The following BEND6 variants were observed in gnomAD, a reference collection of about 807,000 sequenced individuals.
BEND6 encodes the protein BEN domain containing 6.
Under a neutral mutation model 31.8 loss-of-function variants are expected in BEND6, and 24 were observed. That is an observed-to-expected ratio of 0.75 (90% confidence interval 0.55 to 1.06). The LOEUF (loss-of-function observed/expected upper bound fraction) is 1.06, where lower values mean the gene tolerates loss of function less well. Among genes scored for constraint, BEND6 ranks in the 50% least tolerant of loss-of-function variants. The pLI, the probability that BEND6 is intolerant of heterozygous loss-of-function variation, is 0.00. For missense variants in BEND6, 294 were observed against 327.4 expected (o/e 0.90, Z 0.79); for synonymous variants, 109 against 114.6 (o/e 0.95, Z 0.31).
chr6:56,973,934 G>C (rs982992728), intron 1 of BEND6, among the ~76,000 whole-genome samples: 3 of 152,082 alleles, frequency 2.0e-5, no homozygotes, highest in African/African-American at 4.8e-5. Context: ...TGTATTTTCT[G>C]TAGAGATGTG....
At chr6:56,995,126 G>A (rs1826656369) in intron 3 of BEND6, among the ~76,000 whole-genome samples, 1 of 150,386 alleles carries the variant, frequency 6.6e-6, no homozygotes, top group Admixed American at 6.6e-5. Flanking sequence ...TCAGTATATT[G>A]CTCCAGAGAT....
At chr6:57,002,011 G>T (rs116498250) in intron 3 of BEND6, among the ~76,000 whole-genome samples, 3 of 152,190 alleles carry the variant, frequency 2.0e-5, no homozygotes, top group African/African-American at 7.2e-5. Context: ...AAAGTAAAGG[G>T]CTAGAGAAGT....
chr6:56,980,950 C>T (rs1051084859), intron 1 of BEND6, among the ~76,000 whole-genome samples: 2 of 152,112 alleles, frequency 1.3e-5, no homozygotes, highest in African/African-American at 4.8e-5. Context: ...TAAATTTCAT[C>T]ATTTAACATC....
intron 1 of BEND6, among the ~76,000 whole-genome samples, chr6:56,959,165 C>G (rs965862815): frequency 6.6e-6 from 1 of 152,158 alleles, no homozygotes; most frequent in African/African-American, 2.4e-5. Flanking sequence ...TTGAGTCCCC[C>G]CAACAGACTA....
At chr6:56,973,821 T>C (rs1825777972) in intron 1 of BEND6, among the ~76,000 whole-genome samples, 1 of 152,114 alleles carries the variant, frequency 6.6e-6, no homozygotes, top group African/African-American at 2.4e-5. Flanking sequence ...GTGGCACAAT[T>C]AGGGCTCTCC....
intron 1 of BEND6, among the ~76,000 whole-genome samples, chr6:56,974,066 T>C (rs1224749936): frequency 6.6e-6 from 1 of 152,224 alleles, no homozygotes; most frequent in African/African-American, 2.4e-5. Context: ...ACTTACAGAT[T>C]ATTTATTTCT....
intron 3 of BEND6, among the ~76,000 whole-genome samples, chr6:57,014,282 T>G (rs1175410867): frequency 6.6e-6 from 1 of 152,228 alleles, no homozygotes; most frequent in Admixed American, 6.5e-5. Flanking sequence ...ATATACCGAT[T>G]TGCACATCAT....
At chr6:56,978,319 G>A (rs533268593) in intron 1 of BEND6, among the ~76,000 whole-genome samples, 3 of 152,028 alleles carry the variant, frequency 2.0e-5, no homozygotes, top group East Asian at 1.9e-4. Context: ...ACAATTAAAT[G>A]TGGAGGGTTT....
At chr6:57,024,376 A>C (rs1045336471) in intron 6 of BEND6, among the ~76,000 whole-genome samples, 3 of 152,198 alleles carry the variant, frequency 2.0e-5, no homozygotes, top group African/African-American at 7.2e-5. Context: ...AGCTCTCTTT[A>C]GATTTCTTAT....
At chr6:57,009,576 C>T (rs1325465640) in intron 3 of BEND6, 1 of 152,086 alleles carries the variant, frequency 6.6e-6, no homozygotes, top group African/African-American at 2.4e-5. Flanking sequence ...TGGCTGATTC[C>T]ATGTCTTGCA....
chr6:56,966,955 G>C (rs780282353), intron 1 of BEND6, among the ~76,000 whole-genome samples: 5 of 152,178 alleles, frequency 3.3e-5, no homozygotes, highest in Non-Finnish European at 5.9e-5. Context: ...CTTGATCAGT[G>C]GTAGGATGGA....
intron 1 of BEND6, among the ~76,000 whole-genome samples, chr6:56,976,960 TCA>T (rs1452961062): frequency 6.6e-6 from 1 of 152,198 alleles, no homozygotes; most frequent in Non-Finnish European, 1.5e-5. Flanking sequence ...TATTTCCAAC[TCA>T]CAGGAAAATA....
At chr6:56,975,955 C>A (rs1367745886) in intron 1 of BEND6, 1 of 528,798 alleles carries the variant, frequency 1.9e-6, no homozygotes, top group Non-Finnish European at 3.8e-6. Flanking sequence ...CCAGAGCATA[C>A]ACAGTCATGG....
chr6:57,014,418 T>C (rs771973617), intron 3 of BEND6: 11 of 1,278,516 alleles, frequency 8.6e-6, no homozygotes, highest in Non-Finnish European at 1.2e-5. Flanking sequence ...TTAGACAAGG[T>C]TCAAGATCTC....
intron 3 of BEND6, chr6:57,008,416 A>C: frequency 1.7e-6 from 1 of 587,094 alleles, no homozygotes; most frequent in Non-Finnish European, 3.0e-6. Context: ...GCTCAATGTC[A>C]AGGCAGTGCT....
intron 3 of BEND6, among the ~76,000 whole-genome samples, chr6:56,993,018 T>C (rs1198440320): frequency 6.6e-6 from 1 of 152,194 alleles, no homozygotes; most frequent in Non-Finnish European, 1.5e-5. Context: ...TTTTCATTTT[T>C]TTCTGTTGGG....
chr6:56,983,224 A>G (rs1826131443), intron 2 of BEND6, among the ~76,000 whole-genome samples: 1 of 152,240 alleles, frequency 6.6e-6, no homozygotes. Context: ...TAGGAAACAT[A>G]TAGATAGTAA....
chr6:56,964,077 C>T (rs1039415719), intron 1 of BEND6, among the ~76,000 whole-genome samples: 2 of 149,608 alleles, frequency 1.3e-5, no homozygotes, highest in Non-Finnish European at 3.0e-5. Context: ...ATATACCTGA[C>T]ATATCAACTC....
At chr6:57,011,770 GAAAGA>G (rs201806804) in intron 3 of BEND6, among the ~76,000 whole-genome samples, 3,086 of 137,462 alleles carry the variant, frequency 0.022, 104 homozygotes, top group African/African-American at 0.077. Flanking sequence ...AAGAAAGAAA[GAAAGA>G]AAAGAAAAAG....
Sources: gnomAD v4.1 joint callset for allele counts (sites outside exome capture counted in the v4.1 genomes callset) on GRCh38, gnomAD v4.1.1 for gene constraint, MANE v1.5 for transcripts, NCBI Gene and HGNC (gene_info 2026-07-23, HGNC 2026-07-21) for gene names.